Variants in ANKLE1 observed in about 807,000 individuals in gnomAD.
The protein encoded by ANKLE1 is structure-specific endonuclease ANKLE1.
A neutral mutation model predicts 56.2 loss-of-function variants in ANKLE1; 59 were observed. That is an observed-to-expected ratio of 1.05 (90% CI 0.85 to 1.30). The LOEUF (loss-of-function observed/expected upper bound fraction) is 1.30, where lower values mean the gene tolerates loss of function less well. ANKLE1 is among the 50% of genes most tolerant of loss of function. The probability of loss-of-function intolerance (pLI) is 0.00; values close to 1 mark genes in which losing one functional copy is unlikely to be tolerated. For synonymous variants in ANKLE1, 341 were observed against 352.9 expected (o/e 0.97, Z 0.38); for missense variants, 771 against 816.1 (o/e 0.94, Z 0.67).
Position 17,284,236 on chromosome 19 carries a change from C to T in ANKLE1, c.1346C>T (p.Ser449Phe). 1.2e-6 allele frequency: 2 copies of T among 1,613,814 alleles called. No homozygotes were observed. Among genetic ancestry groups the T allele is most frequent in the Non-Finnish European group, 1.7e-6 (2 of 1,179,870 alleles). ...ARRWREGVVK[S>F]SFTYLLLDPR... ...AGGTGGCGGGAGGGGGTCGTGAAGTCTAGCTTCACCTATCTGCTGCTGGAC... is the reference window on the plus strand; with the variant it reads ...AGGTGGCGGGAGGGGGTCGTGAAGTTTAGCTTCACCTATCTGCTGCTGGAC... The change falls in exon 6 of 9, where the codon TCT becomes TTT. Residue 449 changes from serine (S) to phenylalanine (F), a missense_variant. Ser to Phe is a radical substitution (Grantham distance 155). Transcript: ENST00000404085.
intron 1 of ANKLE1, 35 bp from the exon 2 acceptor site, chr19:17,282,022 T>G: frequency 6.5e-7 from 1 of 1,536,256 alleles, no homozygotes; most frequent in Non-Finnish European, 8.7e-7. Flanking sequence ...GTGGGGGTCT[T>G]TGGCCGGGGT....
intron 6 of ANKLE1, among the ~76,000 whole-genome samples, chr19:17,284,682 C>CT (rs1298303256): frequency 1.3e-4 from 7 of 52,616 alleles, no homozygotes; most frequent in Admixed American, 1.0e-3. Context: ...CCGCACCGGC[C>CT]TCTTTTTTTT....
intron 2 of ANKLE1, chr19:17,282,450 T>TA: frequency 1.2e-6 from 1 of 814,920 alleles, no homozygotes. Context: ...AGGGTTCGGA[T>TA]ATTGGAGTGG....
At chr19:17,282,244 C>T (rs2073981532) in intron 2 of ANKLE1, 35 bp downstream of exon 2, 3 of 1,449,236 alleles carry the variant, frequency 2.1e-6, no homozygotes, top group Non-Finnish European at 1.8e-6. Flanking sequence ...CGGGGTCTCC[C>T]CAAGCCGAAG....
Position 17,283,724 on chromosome 19 carries a change from GT to G in ANKLE1, c.961del (p.Trp321GlyfsTer16). ...CTGGAGCTTCTGACTGCCACTGCCT[GT>G]GGGAGCACCAGACATCCATTGATAG... ...TPGASDCHCL[W>X]EHQTSIDSDM... On this transcript the variant is annotated frameshift_variant, in exon 5 of 9. Coordinates refer to ENST00000404085, the MANE Select transcript of ANKLE1 (RefSeq NM_152363.6). LOFTEE classifies it high-confidence loss of function. 6.2e-7 allele frequency: 1 copy of G among 1,613,662 alleles called. No individual in the cohort carries two copies. Among genetic ancestry groups the G allele is most frequent in the Non-Finnish European group, 8.5e-7 (1 of 1,179,886 alleles).
At position 17,285,490 on chromosome 19, in the gene ANKLE1, CTT is replaced by C; in HGVS notation, c.1438_1439del (p.Phe480HisfsTer121). 1.2e-6 allele frequency: 2 copies of C among 1,613,952 alleles called. No individual in the cohort carries two copies. Among genetic ancestry groups the C allele is most frequent in the Non-Finnish European group, 8.5e-7 (1 of 1,179,896 alleles). Reference sequence around the variant, plus strand: ...CTGACCCCAGCTGAGCGCCTTCAGACTTTCATCCGTGCCATCTTCTACGTGGG... The same window carrying C: ...CTGACCCCAGCTGAGCGCCTTCAGACTCATCCGTGCCATCTTCTACGTGGG... On this transcript the variant is annotated frameshift_variant, in exon 7 of 9. Transcript: ENST00000404085. LOFTEE classifies it high-confidence loss of function.
intron 2 of ANKLE1, 33 bp from the exon 3 acceptor site, chr19:17,282,623 T>C: frequency 6.6e-7 from 1 of 1,525,762 alleles, no homozygotes; most frequent in South Asian, 1.2e-5. Context: ...GGAGGCTGAG[T>C]CCGCAATGAC....
rs199970573 is a variant in ANKLE1 at position 17,284,369 on chromosome 19, AGCT to A, written c.1376+107_1376+109del. The A allele has an allele frequency of 3.7e-4, 426 of 1,137,696 alleles. 1 individual carries two copies. Among genetic ancestry groups the A allele is most frequent in the Middle Eastern group, 1.4e-3 (5 of 3,478 alleles). 70.5% of individuals were successfully genotyped at this position (1,137,696 alleles called of 1,614,324 possible). A position where few individuals can be genotyped will look rare whatever the true frequency, so the allele number is the denominator to read the frequency against. ...GAAAGGGACTGGCCCTAGAATCATCAGCTGCTTCTTCTTCTTTTTTTTTATTTT... is the reference window on the plus strand; with the variant it reads ...GAAAGGGACTGGCCCTAGAATCATCAGCTTCTTCTTCTTTTTTTTTATTTT... On this transcript the variant is annotated intron_variant, in intron 6 of 8. Transcript: ENST00000404085.
intron 4 of ANKLE1, 46 bp downstream of exon 4, chr19:17,283,048 T>A (rs779497913): frequency 6.5e-7 from 1 of 1,541,900 alleles, no homozygotes; most frequent in Non-Finnish European, 8.7e-7. Context: ...TCTGGACCAG[T>A]CCCTGACATC....
At chr19:17,285,299 A>G (rs541498853) in intron 6 of ANKLE1, 132 bp from the exon 7 acceptor site, 2 of 1,039,572 alleles carry the variant, frequency 1.9e-6, no homozygotes, top group Non-Finnish European at 2.8e-6. Flanking sequence ...GTCTTTGGGG[A>G]GCCGCTGACT....
intron 6 of ANKLE1, 97 bp from the exon 7 acceptor site, chr19:17,285,334 C>A: frequency 6.9e-7 from 1 of 1,440,574 alleles, no homozygotes. Flanking sequence ...AATCAGGAGT[C>A]ACTAGACATG....
In ANKLE1 at chr19:17,286,482, G is replaced by T; in HGVS notation, c.1778G>T (p.Arg593Leu). 1 of 1,612,622 alleles carries T rather than the reference G, an allele frequency of 6.2e-7. No individual in the cohort carries two copies. The highest frequency in any genetic ancestry group is 8.5e-7 in the Non-Finnish European group (1 of 1,179,758). The change falls in exon 9 of 9, where the codon CGT becomes CTT. Residue 593 changes from arginine to leucine, a missense_variant. Transcript: ENST00000404085. ...CGCTTGGGGGTGCACCTGCTGCACC[G>T]TGCCCTCCTTGTCTTCCTGGCTGAA... ...RRRLGVHLLH[R>L]ALLVFLAEGE...
Position 17,286,852 on chromosome 19 carries a change from C to T in ANKLE1, c.*300C>T, listed in dbSNP as rs1001120053. The T allele has an allele frequency of 1.5e-5, 18 of 1,195,414 alleles. No individual in the cohort carries two copies. The highest frequency in any genetic ancestry group is 2.4e-4 in the Middle Eastern group (1 of 4,242). The allele number at this position is 1,195,414 out of a possible 1,614,324, so 74.1% of individuals were successfully genotyped here. ...AAGCAGAAGGTGCTTTGGAACAGTC[C>T]GGTGCTTCTGTAAGAGGCGTTTGAA... is the stretch of plus-strand genomic sequence containing the variant. On this transcript the variant is annotated 3_prime_UTR_variant, in exon 9 of 9. Coordinates refer to ENST00000404085, the MANE Select transcript of ANKLE1 (RefSeq NM_152363.6).
rs1392006544 is a variant in ANKLE1, at chr19:17,287,491, A to C, written c.*939A>C. On this transcript the variant is annotated 3_prime_UTR_variant, in exon 9 of 9. Coordinates refer to ENST00000404085, the MANE Select transcript of ANKLE1 (RefSeq NM_152363.6). The stretch of plus-strand genomic sequence containing the variant: ...ATCAGGACGTTAACCTTTAGACCCT[A>C]TATGGTCTAAAAAGGGGAGGCATGA... The C allele has an allele frequency of 6.6e-6, 1 of 151,980 alleles. No homozygotes were observed. The highest frequency in any genetic ancestry group is 1.5e-5 in the Non-Finnish European group (1 of 68,038). The allele number at this position is 151,980 out of a possible 1,614,324, so 9.4% of individuals were successfully genotyped here.
At position 17,286,983 on chromosome 19, in the gene ANKLE1, A is replaced by T. The variant is rs1423718126; in HGVS notation, c.*431A>T. The T allele has an allele frequency of 6.1e-5, 14 of 228,284 alleles. No homozygotes were observed. Among genetic ancestry groups the T allele is most frequent in the Non-Finnish European group, 9.9e-5 (13 of 131,876 alleles). 14.1% of individuals were successfully genotyped at this position (228,284 alleles called of 1,614,324 possible). A position where few individuals can be genotyped will look rare whatever the true frequency, so the allele number is the denominator to read the frequency against. On this transcript the variant is annotated 3_prime_UTR_variant, in exon 9 of 9. Transcript: ENST00000404085. Reference sequence around the variant, plus strand: ...ATTCTAAGTCACGGGATCAGGTAGGAGGTCAGCACAAGATAACGGGTCATA... The same window carrying T: ...ATTCTAAGTCACGGGATCAGGTAGGTGGTCAGCACAAGATAACGGGTCATA...
Position 17,283,907 on chromosome 19 carries a change from A to C in ANKLE1, c.1143A>C (p.Thr381=). 6.2e-7 allele frequency: 1 copy of C among 1,612,244 alleles called. No individual in the cohort carries two copies. Among genetic ancestry groups the C allele is most frequent in the Non-Finnish European group, 8.5e-7 (1 of 1,179,030 alleles). The change falls in exon 5 of 9, where the codon ACA becomes ACC. Residue 381 remains threonine, a synonymous_variant. Coordinates refer to ENST00000404085, the MANE Select transcript of ANKLE1 (RefSeq NM_152363.6). ...RALGENPHPI[T]PFTRQLYHQQ... ...TTGGTGAGAATCCTCACCCCATCAC[A>C]CCCTTCACCAGGCAGTTGTACCACC... is the stretch of plus-strand genomic sequence containing the variant.
At chr19:17,285,364 C>G (rs940676726) in intron 6 of ANKLE1, 67 bp from the exon 7 acceptor site, 29 of 1,591,914 alleles carry the variant, frequency 1.8e-5, no homozygotes, top group Non-Finnish European at 2.3e-5. Context: ...TATGTTGTGA[C>G]TTTAAGGACT....
intron 6 of ANKLE1, 30 bp downstream of exon 6, chr19:17,284,296 G>A (rs1235489619): frequency 6.3e-7 from 1 of 1,598,768 alleles, no homozygotes; most frequent in Non-Finnish European, 8.5e-7. Flanking sequence ...CCCAGAAATA[G>A]AAACTAGAAA....
chr19:17,282,113 G>T lies in ANKLE1; in HGVS notation c.119G>T (p.Gly40Val), dbSNP rs1171971553. 2 of 1,541,540 alleles carry T rather than the reference G, an allele frequency of 1.3e-6. No individual in the cohort carries two copies. The highest frequency in any genetic ancestry group is 4.9e-5 in the East Asian group (2 of 40,894). Residue 40 changes from glycine (G) to valine (V), a missense_variant, in exon 2 of 9, where the codon GGC (glycine) becomes GTC (valine). Transcript: ENST00000404085. The stretch of plus-strand genomic sequence containing the variant: ...GACCCTAATTTGGTGCTAGAGGACG[G>T]CGCAGCGGCTGTGCACTTGGCGGCC... ...GADPNLVLEDGAAAVHLAAGA... is the reference protein window; with the variant it reads ...GADPNLVLEDVAAAVHLAAGA...
Sources: gnomAD v4.1 joint callset for allele counts (sites outside exome capture counted in the v4.1 genomes callset) on GRCh38, gnomAD v4.1.1 for gene constraint, MANE v1.5 for transcripts, NCBI Gene and HGNC (gene_info 2026-07-23, HGNC 2026-07-21) for gene names.